Variants in SOX5 observed in about 807,000 individuals in gnomAD.
SOX5 encodes transcription factor SOX-5.
In SOX5, 9 loss-of-function variants were observed where a neutral mutation model predicts 92.0. The observed-to-expected ratio is 0.10, with a 90% CI of 0.06 to 0.17. The LOEUF is 0.17. Among genes scored for constraint, SOX5 ranks in the 10% least tolerant of loss-of-function variants. The probability of loss-of-function intolerance (pLI) is 1.00; values close to 1 mark genes in which losing one functional copy is unlikely to be tolerated. For synonymous variants in SOX5, 344 were observed against 336.3 expected (o/e 1.02, Z -0.25); for missense variants, 642 against 944.5 (o/e 0.68, Z 4.20).
At chr12:23,975,790 TA>T (rs1309207269) in intron 4 of SOX5, among the ~76,000 whole-genome samples, 1 of 152,234 alleles carries the variant, frequency 6.6e-6, no homozygotes, top group Non-Finnish European at 1.5e-5. Flanking sequence ...ATATGCACTA[TA>T]AGTTTTTCTA....
At chr12:24,469,720 G>A (rs1462268147) in intron 1 of SOX5, among the ~76,000 whole-genome samples, 5 of 152,160 alleles carry the variant, frequency 3.3e-5, no homozygotes, top group Non-Finnish European at 7.4e-5. Context: ...CTTTGTGGGT[G>A]CTCGAAAAAC....
At chr12:24,539,888 T>C (rs1951964651) in intron 1 of SOX5, among the ~76,000 whole-genome samples, 1 of 152,114 alleles carries the variant, frequency 6.6e-6, no homozygotes, top group Non-Finnish European at 1.5e-5. Context: ...CTTCCAGTTA[T>C]GTTACATTTC....
At chr12:23,825,630 C>A (rs540712360) in intron 3 of SOX5, among the ~76,000 whole-genome samples, 1 of 152,224 alleles carries the variant, frequency 6.6e-6, no homozygotes, top group African/African-American at 2.4e-5. Flanking sequence ...AAATTTTGTC[C>A]TGTGGATAGT....
chr12:24,026,057 T>C (rs914968823), intron 4 of SOX5, among the ~76,000 whole-genome samples: 1 of 152,118 alleles, frequency 6.6e-6, no homozygotes, highest in Non-Finnish European at 1.5e-5. Context: ...AGACTTAACA[T>C]AGCTCCACTC....
At chr12:23,839,994 A>C (rs1398632347) in intron 3 of SOX5, among the ~76,000 whole-genome samples, 2 of 54,974 alleles carry the variant, frequency 3.6e-5, no homozygotes, top group Non-Finnish European at 6.3e-5. Context: ...AGAAGACAAA[A>C]AAAAAAAAAA....
intron 1 of SOX5, among the ~76,000 whole-genome samples, chr12:24,547,437 C>T (rs1353936373): frequency 1.3e-5 from 2 of 151,292 alleles, no homozygotes; most frequent in South Asian, 2.1e-4. Context: ...ATGATCCACC[C>T]GCCTCGGCCT....
chr12:24,255,202 CTGTATA>C (rs748618975), intron 3 of SOX5, among the ~76,000 whole-genome samples: 1 of 152,086 alleles, frequency 6.6e-6, no homozygotes, highest in Non-Finnish European at 1.5e-5. Context: ...ACTAGATATA[CTGTATA>C]TGTATATGTG....
intron 4 of SOX5, among the ~76,000 whole-genome samples, chr12:23,753,735 A>G (rs1311934120): frequency 6.6e-6 from 1 of 151,790 alleles, no homozygotes; most frequent in East Asian, 1.9e-4. Flanking sequence ...TGGGCCCTAC[A>G]TAATCTTTGT....
chr12:24,037,356 G>C (rs529754392), intron 4 of SOX5, among the ~76,000 whole-genome samples: 101 of 152,222 alleles, frequency 6.6e-4, no homozygotes, highest in African/African-American at 2.3e-3. Flanking sequence ...TTGTCATTGA[G>C]AGCACAAGAG....
At chr12:23,965,460 G>C (rs1262116184) in intron 4 of SOX5, among the ~76,000 whole-genome samples, 1 of 152,128 alleles carries the variant, frequency 6.6e-6, no homozygotes, top group African/African-American at 2.4e-5. Context: ...CAGAGGTAAA[G>C]TTCTCTAGCA....
intron 8 of SOX5, among the ~76,000 whole-genome samples, chr12:23,618,201 A>G (rs947796720): frequency 6.6e-6 from 1 of 152,182 alleles, no homozygotes; most frequent in Non-Finnish European, 1.5e-5. Flanking sequence ...TTAGGGAAAA[A>G]TATTGCTGAA....
At chr12:23,551,753 G>A (rs1034585188) in intron 11 of SOX5, among the ~76,000 whole-genome samples, 2 of 151,492 alleles carry the variant, frequency 1.3e-5, no homozygotes, top group African/African-American at 4.8e-5. Flanking sequence ...TCTGGTCTAG[G>A]TATCCACAAA....
At chr12:24,249,174 T>C (rs1232757719) in intron 3 of SOX5, among the ~76,000 whole-genome samples, 1 of 152,184 alleles carries the variant, frequency 6.6e-6, no homozygotes, top group Non-Finnish European at 1.5e-5. Flanking sequence ...TTGAAACAAA[T>C]GTATTCCCAG....
chr12:23,655,354 T>C (rs372012196), intron 7 of SOX5, among the ~76,000 whole-genome samples: 1 of 152,128 alleles, frequency 6.6e-6, no homozygotes, highest in African/African-American at 2.4e-5. Flanking sequence ...TCATGAATTA[T>C]GGAACTGCTT....
intron 3 of SOX5, among the ~76,000 whole-genome samples, chr12:23,813,686 A>G (rs1479967425): frequency 6.6e-6 from 1 of 152,184 alleles, no homozygotes; most frequent in Non-Finnish European, 1.5e-5. Context: ...TCCGTGTACC[A>G]TTTTGCTACA....
intron 6 of SOX5, among the ~76,000 whole-genome samples, chr12:23,726,169 G>T (rs1430990688): frequency 1.2e-5 from 1 of 82,178 alleles, no homozygotes; most frequent in East Asian, 4.2e-4. Flanking sequence ...GAGAGAGAGA[G>T]AGAGAGGTCA....
intron 3 of SOX5, among the ~76,000 whole-genome samples, chr12:23,808,893 T>A (rs1420572180): frequency 6.6e-6 from 1 of 152,178 alleles, no homozygotes; most frequent in Non-Finnish European, 1.5e-5. Context: ...GAGAATATCT[T>A]AATATTGATA....
At chr12:24,401,070 T>C (rs185792399) in intron 1 of SOX5, among the ~76,000 whole-genome samples, 54 of 152,286 alleles carry the variant, frequency 3.5e-4, no homozygotes, top group African/African-American at 1.2e-3. Context: ...ATGCACTTTG[T>C]TGGCCAGGCA....
At chr12:24,049,052 C>CA (rs983636777) in intron 4 of SOX5, among the ~76,000 whole-genome samples, 14 of 150,106 alleles carry the variant, frequency 9.3e-5, no homozygotes, top group East Asian at 2.0e-4. Context: ...AAGTTATTGC[C>CA]AAAAAAAAAT....
Sources: gnomAD v4.1 joint callset for allele counts (sites outside exome capture counted in the v4.1 genomes callset) on GRCh38, gnomAD v4.1.1 for gene constraint, MANE v1.5 for transcripts, NCBI Gene and HGNC (gene_info 2026-07-23, HGNC 2026-07-21) for gene names.